The following ROR1 variants were observed in gnomAD, a reference collection of about 807,000 sequenced individuals.
ROR1 encodes the protein inactive tyrosine-protein kinase transmembrane receptor ROR1.
In ROR1, 19 loss-of-function variants were observed where a neutral mutation model predicts 78.8. The observed-to-expected ratio is 0.24, with a 90% CI of 0.17 to 0.35. ROR1 has a LOEUF of 0.35. ROR1 is among the 10% of genes least tolerant of loss of function. ROR1 has a pLI of 1.00. For synonymous variants in ROR1, 386 were observed against 433.6 expected (o/e 0.89, Z 1.36); for missense variants, 917 against 1,177.8 (o/e 0.78, Z 3.24).
intron 1 of ROR1, among the ~76,000 whole-genome samples, chr1:63,869,776 G>A (rs1645239566): frequency 1.3e-5 from 2 of 152,228 alleles, no homozygotes; most frequent in Admixed American, 6.5e-5. Flanking sequence ...GAGGCAGAGT[G>A]CTGTCCACCA....
intron 1 of ROR1, among the ~76,000 whole-genome samples, chr1:63,821,034 A>T (rs896467948): frequency 6.6e-6 from 1 of 152,172 alleles, no homozygotes; most frequent in African/African-American, 2.4e-5. Context: ...GGGAGCAAGG[A>T]AAAGGGAAAG....
chr1:63,897,296 G>A (rs1198571758), intron 1 of ROR1, among the ~76,000 whole-genome samples: 3 of 152,220 alleles, frequency 2.0e-5, no homozygotes, highest in African/African-American at 7.2e-5. Context: ...GCATAAGACT[G>A]TTTTAGTCAA....
chr1:63,792,683 T>C (rs985640125), intron 1 of ROR1, among the ~76,000 whole-genome samples: 1 of 152,252 alleles, frequency 6.6e-6, no homozygotes, highest in African/African-American at 2.4e-5. Flanking sequence ...CAGGGCACCA[T>C]GAGAATATCA....
intron 2 of ROR1, among the ~76,000 whole-genome samples, chr1:64,035,892 T>A (rs1286586644): frequency 6.6e-6 from 1 of 152,176 alleles, no homozygotes; most frequent in African/African-American, 2.4e-5. Context: ...ATCCACCTCG[T>A]CTGCTTTTCC....
At chr1:63,995,923 C>T (rs285369) in intron 1 of ROR1, among the ~76,000 whole-genome samples, 111,896 of 151,986 alleles carry the variant, frequency 0.74, 42,470 homozygotes, top group East Asian at 0.94. Flanking sequence ...ATACACTCCA[C>T]CTCTTCATTG....
In ROR1 at chr1:64,159,180, A is replaced by G. The variant is rs1649865099; in HGVS notation, c.1374A>G (p.Ala458=). The G allele has an allele frequency of 3.7e-6, 6 of 1,613,222 alleles. No homozygotes were observed. Among genetic ancestry groups the G allele is most frequent in the Non-Finnish European group, 5.1e-6 (6 of 1,179,278 alleles). Residue 458 remains alanine, a synonymous_variant, in exon 8 of 9, where the codon GCA becomes GCG. Transcript: ENST00000371079. The part of the protein sequence containing the change: ...GQNVEMSMLN[A]YKPKSKAKEL... ...ATGTAGAGATGTCAATGCTGAATGC[A>G]TATAAACCCAAGGTAATGTTAGCAG...
At position 63,863,783 on chromosome 1, in the gene ROR1, ATTGT is replaced by A. The variant is rs879845343; in HGVS notation, c.91+89276_91+89279del. 7.9e-3 allele frequency among the ~76,000 whole-genome samples: 1,187 copies of A among 149,822 alleles called. 20 individuals are homozygous for A. Among genetic ancestry groups the A allele is most frequent in the African/African-American group, 0.024 (938 of 39,872 alleles). ...ATTGTATTGTATTGTATTGTATTGT[ATTGT>A]ATTGTATTGTATTGTATCATAGATG... is the stretch of plus-strand genomic sequence containing the variant. On this transcript the variant is annotated intron_variant, in intron 1 of 8. Coordinates refer to ENST00000371079, the MANE Select transcript of ROR1 (RefSeq NM_005012.4).
chr1:63,880,977 A>G (rs1041550309), intron 1 of ROR1, among the ~76,000 whole-genome samples: 1 of 152,172 alleles, frequency 6.6e-6, no homozygotes, highest in Non-Finnish European at 1.5e-5. Context: ...CTCCTAATTT[A>G]CAAGTTCTGT....
At chr1:64,043,215 G>C (rs1230246134) in intron 2 of ROR1, among the ~76,000 whole-genome samples, 1 of 152,212 alleles carries the variant, frequency 6.6e-6, no homozygotes, top group African/African-American at 2.4e-5. Context: ...TAAATGTTGG[G>C]AAGGATTTGT....
intron 4 of ROR1, among the ~76,000 whole-genome samples, chr1:64,076,572 C>A (rs993757408): frequency 1.3e-5 from 2 of 152,034 alleles, no homozygotes; most frequent in East Asian, 1.9e-4. Context: ...GCATTAAAAA[C>A]CAGTTTACAA....
intron 4 of ROR1, among the ~76,000 whole-genome samples, chr1:64,063,207 GA>G (rs1646930513): frequency 6.6e-6 from 1 of 152,070 alleles, no homozygotes; most frequent in African/African-American, 2.4e-5. Flanking sequence ...GAAACTAATG[GA>G]AAAAAAGTGT....
intron 8 of ROR1, among the ~76,000 whole-genome samples, chr1:64,172,322 A>C (rs1266598911): frequency 6.6e-6 from 1 of 152,220 alleles, no homozygotes; most frequent in African/African-American, 2.4e-5. Flanking sequence ...TTTAAACTCT[A>C]ATACTGTTGC....
chr1:63,890,219 T>C (rs1645384592), intron 1 of ROR1, among the ~76,000 whole-genome samples: 2 of 152,130 alleles, frequency 1.3e-5, no homozygotes, highest in South Asian at 4.2e-4. Flanking sequence ...TTACACATAC[T>C]TCTGAAGCTC....
chr1:63,980,941 T>C (rs541845286), intron 1 of ROR1, among the ~76,000 whole-genome samples: 1 of 152,340 alleles, frequency 6.6e-6, no homozygotes, highest in African/African-American at 2.4e-5. Flanking sequence ...AAAAGCTCCA[T>C]AAAGCTGTTC....
chr1:63,812,665 G>A (rs116420072), intron 1 of ROR1, among the ~76,000 whole-genome samples: 205 of 152,298 alleles, frequency 1.3e-3, no homozygotes, highest in Non-Finnish European at 2.2e-3. Flanking sequence ...GAAACAGGCA[G>A]TACTTAGGAG....
chr1:64,107,629 A>G (rs1430282412), intron 4 of ROR1, among the ~76,000 whole-genome samples: 3 of 151,918 alleles, frequency 2.0e-5, no homozygotes, highest in Admixed American at 2.0e-4. Flanking sequence ...AATGCACATT[A>G]AAGTGCCAGA....
chr1:64,139,970 A>G, intron 5 of ROR1, 139 bp from the exon 6 acceptor site: 11 of 714,430 alleles, frequency 1.5e-5, no homozygotes, highest in Non-Finnish European at 2.3e-5. Context: ...ATCTGAAATG[A>G]ATCTCCTTCT....
At chr1:63,929,205 A>C (rs1415284961) in intron 1 of ROR1, among the ~76,000 whole-genome samples, 1 of 152,150 alleles carries the variant, frequency 6.6e-6, no homozygotes, top group Non-Finnish European at 1.5e-5. Context: ...GTAAGCACTG[A>C]ATATTGGACA....
chr1:63,977,103 C>T (rs1336104712), intron 1 of ROR1, among the ~76,000 whole-genome samples: 2 of 152,088 alleles, frequency 1.3e-5, no homozygotes, highest in Non-Finnish European at 2.9e-5. Flanking sequence ...CATCAGATCT[C>T]ATGGGAACTC....
Sources: gnomAD v4.1 joint callset for allele counts (sites outside exome capture counted in the v4.1 genomes callset) on GRCh38, gnomAD v4.1.1 for gene constraint, MANE v1.5 for transcripts, NCBI Gene and HGNC (gene_info 2026-07-23, HGNC 2026-07-21) for gene names.